Variants in LMAN1L observed in about 807,000 individuals in gnomAD.
The protein encoded by LMAN1L is lectin, mannose binding 1 like.
Under a neutral mutation model 58.3 loss-of-function variants are expected in LMAN1L, and 60 were observed. The ratio of observed to expected loss-of-function variants is 1.03; its 90% CI spans 0.84 to 1.27. The LOEUF (loss-of-function observed/expected upper bound fraction) is 1.27. Ranked by LOEUF, LMAN1L falls within the 50% of genes most tolerant of loss-of-function variation. The probability of loss-of-function intolerance (pLI) is 0.00; values close to 1 mark genes in which losing one functional copy is unlikely to be tolerated. For synonymous variants in LMAN1L, 280 were observed against 271.6 expected (o/e 1.03, Z -0.31); for missense variants, 629 against 674.0 (o/e 0.93, Z 0.74).
chr15:74,814,360 ATTTTTGTTTTTG>A (rs956727834), intron 1 of LMAN1L, among the ~76,000 whole-genome samples: 3 of 100,900 alleles, frequency 3.0e-5, no homozygotes, highest in East Asian at 3.3e-4. Flanking sequence ...CACGCAGCTA[ATTTTTGTTTTTG>A]TTTTTGTTTT....
rs751382723 is a variant in LMAN1L at position 74,825,569 on chromosome 15, G to C, written c.1545G>C (p.Leu515=). Residue 515 remains leucine (L), a synonymous_variant, in exon 14 of 14, where the codon CTG becomes CTC. Coordinates refer to ENST00000309664, the MANE Select transcript of LMAN1L (RefSeq NM_021819.3). ...APHTPRALGI[L]RRQPLPASMP... ...ACACCCCCAGGGCCCTGGGGATTCT[G>C]AGGAGGCAGCCTCTCCCTGCCAGCA... 6.2e-6 allele frequency: 10 copies of C among 1,613,048 alleles called. No homozygotes were observed. In the Admixed American group the frequency reaches 1.7e-4, roughly 27 times the overall value.
At chr15:74,813,451 C>T (rs1358470001) in intron 1 of LMAN1L, 1 of 458,438 alleles carries the variant, frequency 2.2e-6, no homozygotes, top group South Asian at 1.5e-5. Flanking sequence ...GAACTGGGGG[C>T]TACCTGGAGG....
chr15:74,821,026 T>C (rs1272664719), intron 8 of LMAN1L, 49 bp from the exon 9 acceptor site: 2 of 1,519,256 alleles, frequency 1.3e-6, no homozygotes, highest in Non-Finnish European at 8.8e-7. Context: ...ATAGGCTGTG[T>C]TACCCCACCA....
intron 10 of LMAN1L, among the ~76,000 whole-genome samples, chr15:74,822,320 T>C (rs533997498): frequency 5.8e-4 from 89 of 152,258 alleles, no homozygotes; most frequent in African/African-American, 2.1e-3. Flanking sequence ...GAGCTGAGAT[T>C]GTGCCACTGC....
chr15:74,816,383 G>A, intron 2 of LMAN1L, 44 bp from the exon 3 acceptor site: 3 of 1,594,786 alleles, frequency 1.9e-6, no homozygotes, highest in Non-Finnish European at 8.5e-7. Context: ...CGGGGTCCCA[G>A]TATCCCACAC....
At chr15:74,813,421 G>A (rs951885663) in intron 1 of LMAN1L, 14 of 460,506 alleles carry the variant, frequency 3.0e-5, no homozygotes, top group South Asian at 4.6e-5. Context: ...CCATCCCAGC[G>A]GGCCTGTGGC....
In LMAN1L at chr15:74,818,803, G is replaced by A; in HGVS notation, c.583G>A (p.Gly195Arg). 1 of 1,609,832 alleles carries A rather than the reference G, an allele frequency of 6.2e-7. No individual in the cohort carries two copies. The highest frequency in any genetic ancestry group is 1.1e-5 in the South Asian group (1 of 90,034). The stretch of plus-strand genomic sequence containing the variant: ...CTTCAGAGCACGGATCACCTACTGG[G>A]GGCAGAGGCTGCGCGTGAGTCACCC... ...HPFRARITYW[G>R]QRLRMSLNSG... Residue 195 changes from glycine to arginine, a missense_variant, in exon 5 of 14, where the codon GGG becomes AGG. Gly to Arg is a moderately radical substitution (Grantham distance 125, BLOSUM62 -2). Transcript: ENST00000309664.
intron 1 of LMAN1L, chr15:74,813,383 A>C (rs2063874383): frequency 2.1e-6 from 1 of 470,576 alleles, no homozygotes; most frequent in Admixed American, 2.3e-5. Flanking sequence ...GGCAATGTGG[A>C]CCAGCACAAA....
intron 1 of LMAN1L, among the ~76,000 whole-genome samples, chr15:74,815,785 C>T (rs1327305982): frequency 2.0e-5 from 3 of 152,248 alleles, no homozygotes; most frequent in Admixed American, 6.5e-5. Context: ...ACACAAATCT[C>T]TCTCGTGGTG....
chr15:74,824,670 C>T, intron 13 of LMAN1L, 192 bp downstream of exon 13: 2 of 607,806 alleles, frequency 3.3e-6, no homozygotes, highest in African/African-American at 1.8e-5. Context: ...CGGCCCCCAG[C>T]CCCATCTGGG....
chr15:74,819,398 C>G, intron 6 of LMAN1L, 126 bp downstream of exon 6: 1 of 1,270,594 alleles, frequency 7.9e-7, no homozygotes. Context: ...TTCTGTGACC[C>G]TTGGGAGAAG....
Position 74,821,106 on chromosome 15 carries a change from GGGCAGACACCGCCGGA to G in LMAN1L, c.940_955del (p.Gly314SerfsTer81). 1 of 1,573,414 alleles carries G rather than the reference GGGCAGACACCGCCGGA, an allele frequency of 6.4e-7. No homozygotes were observed. On this transcript the variant is annotated frameshift_variant, in exon 9 of 14. Transcript: ENST00000309664. LOFTEE classifies it high-confidence loss of function. ...GGCTCTTTGACCTGGAGGAGACGCT[GGGCAGACACCGCCGGA>G]TCCTGCAGGCTCTGCGGGGTCTCTC...
At position 74,815,260 on chromosome 15, in the gene LMAN1L, C is replaced by T. The variant is rs1483030422; in HGVS notation, c.176-897C>T. Reference sequence around the variant, plus strand: ...GGCCTTGCAGCTCTGAGCCTCCCTACCCCCATCCCTGGCCTTTATAGAGCA... The same window carrying T: ...GGCCTTGCAGCTCTGAGCCTCCCTATCCCCATCCCTGGCCTTTATAGAGCA... On this transcript the variant is annotated intron_variant, in intron 1 of 13. Transcript: ENST00000309664. Among the ~76,000 whole-genome samples, 5 of 152,284 alleles carry T rather than the reference C, an allele frequency of 3.3e-5. No individual in the cohort carries two copies. The East Asian group carries it at 9.7e-4, about 29-fold the overall frequency.
At chr15:74,822,930 G>GC (rs1229830678) in intron 11 of LMAN1L, among the ~76,000 whole-genome samples, 1 of 152,184 alleles carries the variant, frequency 6.6e-6, no homozygotes, top group Non-Finnish European at 1.5e-5. Context: ...TCCTGGAGAA[G>GC]CCCATCATGA....
In LMAN1L at chr15:74,817,033, A is replaced by G. The variant is rs539088450; in HGVS notation, c.497+343A>G. ...AGAGGGGAAGGGATGTGCCGTGCGC[A>G]GTGCTGAACTTTGAGCCCAGACTTA... On this transcript the variant is annotated intron_variant, in intron 4 of 13. Transcript: ENST00000309664. Among the ~76,000 whole-genome samples the G allele has an allele frequency of 1.1e-4, 16 of 152,254 alleles. No homozygotes were observed. The South Asian group carries it at 2.7e-3, about 26-fold the overall frequency.
At position 74,820,692 on chromosome 15, in the gene LMAN1L, G is replaced by A. The variant is rs768350818; in HGVS notation, c.832G>A (p.Gly278Arg). The A allele has an allele frequency of 6.2e-7, 1 of 1,613,990 alleles. No individual in the cohort carries two copies. The highest frequency in any genetic ancestry group is 1.7e-5 in the Admixed American group (1 of 60,020). ...QQLRLARQLE[G>R]LWARLGLGTR... ...GCTCCGCCTGGCGAGGCAGCTGGAA[G>A]GGCTGTGGGCAAGGCTGGGCTTGGG... is the stretch of plus-strand genomic sequence containing the variant. Residue 278 changes from glycine (G) to arginine (R), a missense_variant, in exon 8 of 14, where the codon GGG (glycine) becomes AGG (arginine). Transcript: ENST00000309664.
At chr15:74,825,064 A>C (rs1245986167) in intron 13 of LMAN1L, 1 of 161,872 alleles carries the variant, frequency 6.2e-6, no homozygotes, top group African/African-American at 2.4e-5. Context: ...TGTTTGCTGA[A>C]TGAACGTGCA....
rs1048055069 is a variant in LMAN1L at position 74,824,642 on chromosome 15, C to T, written c.1451+164C>T. On this transcript the variant is annotated intron_variant, in intron 13 of 13. Transcript: ENST00000309664. ...GGATAGGGCCCATTCTCTCACCAAG[C>T]ACTACTGACCACCTGCTCGGCCCCC... 5 of 758,856 alleles carry T rather than the reference C, an allele frequency of 6.6e-6. No homozygotes were observed. The African/African-American group carries it at 8.7e-5, about 13-fold the overall frequency. 47.0% of individuals were successfully genotyped at this position (758,856 alleles called of 1,614,324 possible).
Position 74,819,507 on chromosome 15 carries a change from G to A in LMAN1L, c.718+235G>A, listed in dbSNP as rs530184029. 184 of 547,660 alleles carry A rather than the reference G, an allele frequency of 3.4e-4. 4 individuals carry two copies. In the South Asian group the frequency reaches 5.0e-3, roughly 15 times the overall value. 33.9% of individuals were successfully genotyped at this position (547,660 alleles called of 1,614,324 possible). A position where few individuals can be genotyped will look rare whatever the true frequency, so the allele number is the denominator to read the frequency against. On this transcript the variant is annotated intron_variant, in intron 6 of 13. Transcript: ENST00000309664. ...ATAAGTGCCCCTAGCTGTGAGTTGC[G>A]GGACAAGTGGAAGACAGACAGCAAA... is the stretch of plus-strand genomic sequence containing the variant.
Sources: allele counts gnomAD v4.1 joint callset (sites outside exome capture counted in the v4.1 genomes callset), GRCh38; gene constraint gnomAD v4.1.1; transcripts MANE v1.5; gene names NCBI Gene and HGNC (gene_info 2026-07-23, HGNC 2026-07-21).